The following FRS2 variants were observed in gnomAD, a reference collection of about 807,000 sequenced individuals.
FRS2 encodes the protein fibroblast growth factor receptor substrate 2.
A neutral mutation model predicts 43.9 loss-of-function variants in FRS2; 8 were observed. The observed-to-expected ratio is 0.18, with a 90% CI of 0.11 to 0.33. The LOEUF (loss-of-function observed/expected upper bound fraction) is 0.33, where lower values mean the gene tolerates loss of function less well. Among genes scored for constraint, FRS2 ranks in the 10% least tolerant of loss-of-function variants. FRS2 has a pLI of 1.00. For synonymous variants in FRS2, 219 were observed against 220.3 expected (o/e 0.99, Z 0.05); for missense variants, 534 against 627.6 (o/e 0.85, Z 1.59).
At chr12:69,513,113 T>TC (rs1193316108) in intron 1 of FRS2, among the ~76,000 whole-genome samples, 1 of 147,200 alleles carries the variant, frequency 6.8e-6, no homozygotes, top group Non-Finnish European at 1.5e-5. Context: ...CTGTGACTTC[T>TC]CCTCCCGCCC....
In FRS2 at chr12:69,470,468, C is replaced by G. The variant is rs940946748; in HGVS notation, c.-323C>G. On this transcript the variant is annotated 5_prime_UTR_variant, in exon 1 of 9. Transcript: ENST00000549921. The stretch of plus-strand genomic sequence containing the variant: ...TCCAAGTAGGGGCTCCAGCGCGGGT[C>G]GGAGTCTGGGGGTTCGCGCCCGCCG... 2.5e-6 allele frequency: 1 copy of G among 398,478 alleles called. No individual in the cohort carries two copies. Among genetic ancestry groups the G allele is most frequent in the Admixed American group, 4.4e-5 (1 of 22,720 alleles). The allele number at this position is 398,478 out of a possible 1,614,324, so 24.7% of individuals were successfully genotyped here. A position where few individuals can be genotyped will look rare whatever the true frequency, so the allele number is the denominator to read the frequency against.
At chr12:69,488,706 C>G (rs538325323) in intron 1 of FRS2, among the ~76,000 whole-genome samples, 1 of 152,252 alleles carries the variant, frequency 6.6e-6, no homozygotes, top group African/African-American at 2.4e-5. Flanking sequence ...AAATACTAGC[C>G]TCTGAATCTT....
In FRS2 at chr12:69,548,611, CAG is replaced by C. The variant is rs980882775; in HGVS notation, c.-121-13568_-121-13567del. Reference sequence around the variant, plus strand: ...TATATAATTACTGTATTGAAAACATCAGTAACAGCTGCTTAAATCAGGGTTCT... The same window carrying C: ...TATATAATTACTGTATTGAAAACATCTAACAGCTGCTTAAATCAGGGTTCT... On this transcript the variant is annotated intron_variant, in intron 3 of 8. Coordinates refer to ENST00000549921, the MANE Select transcript of FRS2 (RefSeq NM_001278356.2). Among the ~76,000 whole-genome samples the C allele has an allele frequency of 2.0e-4, 30 of 152,254 alleles. 2 individuals carry two copies. In the South Asian group the frequency reaches 4.2e-3, roughly 21 times the overall value.
intron 3 of FRS2, among the ~76,000 whole-genome samples, chr12:69,553,547 A>G (rs1593042606): frequency 2.6e-5 from 4 of 152,176 alleles, no homozygotes; most frequent in Middle Eastern, 3.4e-3. Flanking sequence ...TTCCCTTCTT[A>G]TGGCTTAATG....
intron 3 of FRS2, among the ~76,000 whole-genome samples, chr12:69,552,737 C>A (rs1593040908): frequency 6.6e-6 from 1 of 151,904 alleles, no homozygotes; most frequent in Non-Finnish European, 1.5e-5. Context: ...ACTAAAAATA[C>A]AAAACTTAGC....
chr12:69,474,646 G>T (rs1369409046), intron 1 of FRS2, among the ~76,000 whole-genome samples: 1 of 152,184 alleles, frequency 6.6e-6, no homozygotes, highest in Non-Finnish European at 1.5e-5. Flanking sequence ...TCTTTACCCT[G>T]TTTCAGGGAG....
chr12:69,481,281 A>AT (rs5798935), intron 1 of FRS2, among the ~76,000 whole-genome samples: 272 of 140,856 alleles, frequency 1.9e-3, no homozygotes, highest in East Asian at 0.011. Flanking sequence ...AAATTCCAGA[A>AT]TTTTTTTTTT....
intron 1 of FRS2, chr12:69,491,530 G>A (rs1260750182): frequency 3.2e-5 from 1 of 31,386 alleles, no homozygotes; most frequent in Admixed American, 2.9e-4. Flanking sequence ...TTTTTTTTTT[G>A]GAGACAGGTA....
In FRS2 at chr12:69,579,743, T is replaced by C. The variant is rs908041693; in HGVS notation, c.*4788T>C. Reference sequence around the variant, plus strand: ...CTCACTTTCCCCTTATTGCTGAAAGTAGATTGCAATAAAACCCCAATAAAA... The same window carrying C: ...CTCACTTTCCCCTTATTGCTGAAAGCAGATTGCAATAAAACCCCAATAAAA... On this transcript the variant is annotated 3_prime_UTR_variant, in exon 9 of 9. Coordinates refer to ENST00000549921, the MANE Select transcript of FRS2 (RefSeq NM_001278356.2). 2.0e-5 allele frequency: 3 copies of C among 152,212 alleles called. No homozygotes were observed. The highest frequency in any genetic ancestry group is 6.5e-5 in the Admixed American group (1 of 15,286). The allele number at this position is 152,212 out of a possible 1,614,324, so 9.4% of individuals were successfully genotyped here.
rs149949555 is a variant in FRS2 at position 69,473,796 on chromosome 12, C to T, written c.-261+3266C>T. On this transcript the variant is annotated intron_variant, in intron 1 of 8. Transcript: ENST00000549921. ...GGACCTCAATGTCGTAGGTGGGTGG[C>T]GAGGAGGAGGGGTTTTTGGAGCAGG... 1.5e-3 allele frequency among the ~76,000 whole-genome samples: 221 copies of T among 151,790 alleles called. 2 individuals are homozygous for T. The East Asian group carries it at 0.032, about 22-fold the overall frequency.
chr12:69,497,482 T>C (rs572429977), intron 1 of FRS2, among the ~76,000 whole-genome samples: 2 of 152,310 alleles, frequency 1.3e-5, no homozygotes, highest in African/African-American at 4.8e-5. Flanking sequence ...GATTGCTCCC[T>C]TCAACCTCTT....
intron 3 of FRS2, among the ~76,000 whole-genome samples, chr12:69,541,899 A>G (rs973307356): frequency 1.3e-4 from 19 of 151,824 alleles, no homozygotes; most frequent in African/African-American, 4.6e-4. Context: ...TAAATCTAAT[A>G]ACTTTATGTA....
intron 3 of FRS2, among the ~76,000 whole-genome samples, chr12:69,547,617 C>G (rs918680115): frequency 6.6e-6 from 1 of 152,038 alleles, no homozygotes; most frequent in African/African-American, 2.4e-5. Flanking sequence ...GATTACTGCC[C>G]TGTGAATATG....
chr12:69,496,973 G>T (rs543964668), intron 1 of FRS2, among the ~76,000 whole-genome samples: 1 of 152,246 alleles, frequency 6.6e-6, no homozygotes, highest in South Asian at 2.1e-4. Flanking sequence ...GTATGAAAGA[G>T]GAAATGAGGA....
chr12:69,538,960 C>T (rs12424249), intron 3 of FRS2, among the ~76,000 whole-genome samples: 8,790 of 152,132 alleles, frequency 0.058, 609 homozygotes, highest in East Asian at 0.38. Flanking sequence ...CATGACACCC[C>T]GGTAGCAAGA....
At chr12:69,472,848 G>A (rs1016943396) in intron 1 of FRS2, among the ~76,000 whole-genome samples, 1 of 152,182 alleles carries the variant, frequency 6.6e-6, no homozygotes, top group African/African-American at 2.4e-5. Flanking sequence ...TTGTAATTGG[G>A]ACTTAACATT....
At chr12:69,515,518 A>G (rs1180860136) in intron 1 of FRS2, among the ~76,000 whole-genome samples, 1 of 152,156 alleles carries the variant, frequency 6.6e-6, no homozygotes, top group African/African-American at 2.4e-5. Context: ...GAGAGGGGAT[A>G]TAGAGTGACC....
chr12:69,504,479 A>G (rs934062557), intron 1 of FRS2, among the ~76,000 whole-genome samples: 2 of 152,338 alleles, frequency 1.3e-5, no homozygotes, highest in South Asian at 2.1e-4. Context: ...CTGATTTACA[A>G]TGGTGCTACC....
rs1879854734 is a variant in FRS2, at chr12:69,561,304, AGAGTTGAAATTGTTG to A, written c.-121-875_-121-861del. 2.0e-5 allele frequency among the ~76,000 whole-genome samples: 3 copies of A among 152,188 alleles called. No individual in the cohort carries two copies. The East Asian group carries it at 5.9e-4, about 30-fold the overall frequency. ...GATTTTATATATAAAATTGAAGTTC[AGAGTTGAAATTGTTG>A]CATTTGAAGTTCAGAGTTGAAATTG... On this transcript the variant is annotated intron_variant, in intron 3 of 8. Transcript: ENST00000549921.
Sources: gnomAD v4.1 joint callset for allele counts (sites outside exome capture counted in the v4.1 genomes callset) on GRCh38, gnomAD v4.1.1 for gene constraint, MANE v1.5 for transcripts, NCBI Gene and HGNC (gene_info 2026-07-23, HGNC 2026-07-21) for gene names.